Variants in NFU1 observed in about 807,000 individuals in gnomAD.
The protein encoded by NFU1 is NFU1 iron-sulfur cluster scaffold homolog, mitochondrial.
Under a neutral mutation model 32.2 loss-of-function variants are expected in NFU1, and 30 were observed. The ratio of observed to expected loss-of-function variants is 0.93; its 90% CI spans 0.70 to 1.26. The LOEUF is 1.26. Ranked by LOEUF, NFU1 falls within the 50% of genes most tolerant of loss-of-function variation. The probability of loss-of-function intolerance (pLI) is 0.00; values close to 1 mark genes in which losing one functional copy is unlikely to be tolerated. For synonymous variants in NFU1, 112 were observed against 104.6 expected (o/e 1.07, Z -0.43); for missense variants, 306 against 306.6 (o/e 1.00, Z 0.02).
At chr2:69,426,939 T>C (rs1673475397) in intron 2 of NFU1, among the ~76,000 whole-genome samples, 1 of 149,384 alleles carries the variant, frequency 6.7e-6, no homozygotes, top group African/African-American at 2.5e-5. Context: ...CGTGGTGGTA[T>C]CTGCCTGTAA....
chr2:69,410,252 G>A (rs949647039), intron 5 of NFU1, among the ~76,000 whole-genome samples: 1 of 152,074 alleles, frequency 6.6e-6, no homozygotes, highest in Non-Finnish European at 1.5e-5. Context: ...AGTCGGGCAT[G>A]GTGTTTGGCG....
intron 4 of NFU1, among the ~76,000 whole-genome samples, chr2:69,419,216 G>T (rs752812056): frequency 1.5e-4 from 3 of 20,626 alleles, no homozygotes; most frequent in Non-Finnish European, 2.5e-4. Flanking sequence ...CAGGGTGGCG[G>T]GGGGGGGCGC....
At chr2:69,435,552 A>T (rs982183674) in intron 1 of NFU1, among the ~76,000 whole-genome samples, 6 of 152,206 alleles carry the variant, frequency 3.9e-5, no homozygotes, top group African/African-American at 1.4e-4. Context: ...GCCATTGATA[A>T]GCAAAAGACT....
upstream of NFU1, among the ~76,000 whole-genome samples, chr2:69,439,379 TC>T (rs781511847): frequency 3.3e-5 from 5 of 152,204 alleles, no homozygotes; most frequent in South Asian, 4.1e-4. Context: ...GTCAGATGTG[TC>T]CGGAGTTTGT....
At chr2:69,439,351 A>G (rs55784686), upstream of NFU1, among the ~76,000 whole-genome samples, 3,563 of 150,572 alleles carry the variant, frequency 0.024, 158 homozygotes, top group African/African-American at 0.083. Flanking sequence ...GTGTGTCCAG[A>G]GTCTGTTCCT....
Position 69,423,726 on chromosome 2 carries a change from G to A in NFU1, c.167-9C>T, listed in dbSNP as rs754846196. On this transcript the variant is annotated splice_polypyrimidine_tract_variant and intron_variant, in intron 2 of 7. Coordinates refer to ENST00000410022, the MANE Select transcript of NFU1 (RefSeq NM_001002755.4). Reference sequence around the variant, plus strand: ...AATAAACATGTATCTCACTAAAAAAGAAAAAGAAGAAAATGTTATTCTAGA... The same window carrying A: ...AATAAACATGTATCTCACTAAAAAAAAAAAAGAAGAAAATGTTATTCTAGA... The A allele has an allele frequency of 6.4e-7, 1 of 1,570,246 alleles. No individual in the cohort carries two copies. The highest frequency in any genetic ancestry group is 8.8e-7 in the Non-Finnish European group (1 of 1,141,588).
rs368931176 is a variant in NFU1, at chr2:69,406,039, C to T, written c.528G>A (p.Leu176=). Residue 176 remains leucine (L), a synonymous_variant, in exon 6 of 8, where the codon TTG becomes TTA. Transcript: ENST00000410022. The stretch of plus-strand genomic sequence containing the variant: ...GCACGTACCGTATTCTAGTATCTAA[C>T]AATTCCTTAATCATTGCCACAACTT... The part of the protein sequence containing the change: ...DDEVVAMIKE[L]LDTRIRPTVQ... 51 of 1,601,712 alleles carry T rather than the reference C, an allele frequency of 3.2e-5. No individual in the cohort carries two copies. The Admixed American group carries it at 4.0e-4, about 13-fold the overall frequency.
rs368634264 is a variant in NFU1, at chr2:69,400,500, T to A, written c.584A>T (p.Lys195Ile). 1 of 1,614,150 alleles carries A rather than the reference T, an allele frequency of 6.2e-7. No homozygotes were observed. Among genetic ancestry groups the A allele is most frequent in the African/African-American group, 1.3e-5 (1 of 75,032 alleles). The change falls in exon 7 of 8, where the codon AAA becomes ATA. Residue 195 changes from lysine (K) to isoleucine (I), a missense_variant. Coordinates refer to ENST00000410022, the MANE Select transcript of NFU1 (RefSeq NM_001002755.4). ...CTGTACAATGCCATCTTCAAAGCCT[T>A]TGTAGATTACATCCCCTCCATCTTC... is the stretch of plus-strand genomic sequence containing the variant. ...VQEDGGDVIY[K>I]GFEDGIVQLK...
At chr2:69,400,104 C>A (rs1672471178) in intron 7 of NFU1, among the ~76,000 whole-genome samples, 1 of 152,098 alleles carries the variant, frequency 6.6e-6, no homozygotes, top group African/African-American at 2.4e-5. Flanking sequence ...AACTCCCAAC[C>A]TCAGGTGATC....
At chr2:69,416,594 T>A (rs1673063299) in intron 4 of NFU1, among the ~76,000 whole-genome samples, 1 of 151,966 alleles carries the variant, frequency 6.6e-6, no homozygotes. Flanking sequence ...TATATATTAC[T>A]TAAAGGGTAT....
intron 6 of NFU1, among the ~76,000 whole-genome samples, chr2:69,402,414 ACTCCTAAGCTCAAGGGAGC>A (rs1190669933): frequency 1.3e-5 from 2 of 150,976 alleles, no homozygotes; most frequent in African/African-American, 4.9e-5. Context: ...GCTACCTAAA[ACTCCTAAGCTCAAGGGAGC>A]CTCCCCTGCC....
upstream of NFU1, among the ~76,000 whole-genome samples, chr2:69,437,875 T>G (rs1457173131): frequency 6.6e-6 from 1 of 152,166 alleles, no homozygotes; most frequent in Non-Finnish European, 1.5e-5. Context: ...TCTCCTGCCC[T>G]TTTCCCATGG....
At chr2:69,429,875 G>A (rs539503334) in intron 2 of NFU1, 100 of 180,756 alleles carry the variant, frequency 5.5e-4, no homozygotes, top group Middle Eastern at 2.7e-3. Flanking sequence ...CAAAAAATAC[G>A]AAAATTAGCT....
chr2:69,437,549 G>T (rs749543301), upstream of NFU1: 2 of 1,162,478 alleles, frequency 1.7e-6, no homozygotes, highest in African/African-American at 1.5e-5. Context: ...GTCCTGCTGC[G>T]GATAAGTGCG....
chr2:69,397,406 GAA>G (rs1344379429), intron 7 of NFU1, among the ~76,000 whole-genome samples: 2 of 152,064 alleles, frequency 1.3e-5, no homozygotes, highest in African/African-American at 4.8e-5. Flanking sequence ...ATTGGAGAAG[GAA>G]AAAGTTACAT....
intron 7 of NFU1, among the ~76,000 whole-genome samples, chr2:69,399,958 C>T (rs868069417): frequency 3.9e-5 from 6 of 151,994 alleles, no homozygotes; most frequent in South Asian, 4.2e-4. Flanking sequence ...CCGCAACCTC[C>T]GCCTCCCAGG....
intron 5 of NFU1, among the ~76,000 whole-genome samples, chr2:69,412,172 T>A (rs1245925110): frequency 6.6e-6 from 1 of 151,556 alleles, no homozygotes; most frequent in Non-Finnish European, 1.5e-5. Flanking sequence ...TGCCTCAGCC[T>A]CCCAAGTAGC....
At chr2:69,404,643 AAG>A (rs1423249456) in intron 6 of NFU1, among the ~76,000 whole-genome samples, 1 of 27,430 alleles carries the variant, frequency 3.6e-5, no homozygotes, top group Non-Finnish European at 7.8e-5. Context: ...TTTTTTGAGA[AAG>A]AGTTTTGCTC....
At chr2:69,404,170 T>C (rs1269919177) in intron 6 of NFU1, among the ~76,000 whole-genome samples, 1 of 151,102 alleles carries the variant, frequency 6.6e-6, no homozygotes. Context: ...ACAAAAATTA[T>C]AGATATTTCC....
Sources: gnomAD v4.1 joint callset for allele counts (sites outside exome capture counted in the v4.1 genomes callset) on GRCh38, gnomAD v4.1.1 for gene constraint, MANE v1.5 for transcripts, NCBI Gene and HGNC (gene_info 2026-07-23, HGNC 2026-07-21) for gene names.